RNF180: variants seen among roughly 807,000 people sequenced by gnomAD.
RNF180 encodes E3 ubiquitin-protein ligase RNF180.
RNF180 carries 38 observed loss-of-function variants against 59.2 expected under a neutral mutation model. That is an observed-to-expected ratio of 0.64 (90% CI 0.50 to 0.84). The LOEUF (loss-of-function observed/expected upper bound fraction) is 0.84. RNF180 is among the 40% of genes least tolerant of loss of function. The pLI is 0.00. For missense variants in RNF180, 705 were observed against 700.9 expected, an observed-to-expected ratio of 1.01 and a Z score of -0.07; for synonymous variants, 262 against 240.3, an observed-to-expected ratio of 1.09 and a Z score of -0.84.
At chr5:64,292,817 C>G (rs903800926) in intron 5 of RNF180, among the ~76,000 whole-genome samples, 1 of 152,126 alleles carries the variant, frequency 6.6e-6, no homozygotes, top group Non-Finnish European at 1.5e-5. Flanking sequence ...CCATATAATC[C>G]CGGCTGGAGT....
intron 5 of RNF180, among the ~76,000 whole-genome samples, 158 bp from the exon 6 acceptor site, chr5:64,325,028 G>A (rs1744564073): frequency 6.6e-6 from 1 of 152,068 alleles, no homozygotes; most frequent in Non-Finnish European, 1.5e-5. Context: ...TATATTTTTA[G>A]TTTCTTGACT....
intron 2 of RNF180, among the ~76,000 whole-genome samples, chr5:64,207,913 C>G (rs1162458927): frequency 6.6e-6 from 1 of 151,944 alleles, no homozygotes; most frequent in Admixed American, 6.6e-5. Context: ...ATAGTTGGCT[C>G]ACATTTAAAG....
At chr5:64,243,590 G>A (rs768657801) in intron 5 of RNF180, among the ~76,000 whole-genome samples, 37 of 152,308 alleles carry the variant, frequency 2.4e-4, no homozygotes, top group Middle Eastern at 3.4e-3. Context: ...CCCAGTCATG[G>A]GCTTATAGAT....
chr5:64,261,044 A>C (rs896064920), intron 5 of RNF180, among the ~76,000 whole-genome samples: 1 of 152,098 alleles, frequency 6.6e-6, no homozygotes, highest in African/African-American at 2.4e-5. Context: ...AAAAAACCTA[A>C]AGAAGATACA....
chr5:64,336,519 G>A (rs1377525502), intron 7 of RNF180, among the ~76,000 whole-genome samples: 1 of 152,184 alleles, frequency 6.6e-6, no homozygotes, highest in African/African-American at 2.4e-5. Flanking sequence ...CATAGGATAT[G>A]AGTATGCTTG....
chr5:64,274,552 G>T (rs933449295), intron 5 of RNF180, among the ~76,000 whole-genome samples: 11 of 151,852 alleles, frequency 7.2e-5, no homozygotes, highest in Non-Finnish European at 1.3e-4. Flanking sequence ...GGCCAGTTTT[G>T]TGTTTGATTT....
chr5:64,180,349 T>C lies in RNF180; in HGVS notation c.-1+14396T>C, dbSNP rs1006851127. 2.0e-5 allele frequency among the ~76,000 whole-genome samples: 3 copies of C among 152,260 alleles called. 1 individual carries two copies. In the South Asian group the frequency reaches 6.2e-4, roughly 32 times the overall value. ...AAATTTGTTTGTAGATAAGGCAGGG[T>C]ATAAATAAATAAATGAAGAAGTAAA... On this transcript the variant is annotated intron_variant, in intron 1 of 7. Coordinates refer to ENST00000389100, the MANE Select transcript of RNF180 (RefSeq NM_001113561.2).
intron 5 of RNF180, among the ~76,000 whole-genome samples, chr5:64,272,778 T>G (rs775087903): frequency 2.6e-5 from 4 of 151,982 alleles, no homozygotes; most frequent in Non-Finnish European, 4.4e-5. Context: ...ATGTCAAGGA[T>G]AATACCTAGG....
At chr5:64,242,276 G>A (rs981647928) in intron 5 of RNF180, among the ~76,000 whole-genome samples, 1 of 152,322 alleles carries the variant, frequency 6.6e-6, no homozygotes, top group East Asian at 1.9e-4. Flanking sequence ...AGTCTGTGAA[G>A]ACTGGAATAA....
chr5:64,366,920 C>T (rs1302544142), intron 7 of RNF180, among the ~76,000 whole-genome samples: 1 of 151,472 alleles, frequency 6.6e-6, no homozygotes, highest in Non-Finnish European at 1.5e-5. Context: ...AAGGTTTCCT[C>T]CATGGTACAT....
rs1410658236 is a variant in RNF180, at chr5:64,330,277, C to T, written c.1454-4C>T. ...AAATCCTATTTTCTTTTGCTTTATT[C>T]TAGAATTGAACAATGCCACAAAAAC... On this transcript the variant is annotated splice_region_variant and splice_polypyrimidine_tract_variant and intron_variant, in intron 6 of 7. Coordinates refer to ENST00000389100, the MANE Select transcript of RNF180 (RefSeq NM_001113561.2). 1 of 1,438,808 alleles carries T rather than the reference C, an allele frequency of 7.0e-7. No homozygotes were observed. The highest frequency in any genetic ancestry group is 2.5e-5 in the East Asian group (1 of 40,306). 89.1% of individuals were successfully genotyped at this position (1,438,808 alleles called of 1,614,324 possible). A position where few individuals can be genotyped will look rare whatever the true frequency, so the allele number is the denominator to read the frequency against.
intron 7 of RNF180, among the ~76,000 whole-genome samples, chr5:64,346,098 A>G (rs759377843): frequency 5.9e-5 from 9 of 152,080 alleles, no homozygotes; most frequent in African/African-American, 9.7e-5. Flanking sequence ...CAGGAGAGAT[A>G]ACCATCAGCA....
intron 5 of RNF180, among the ~76,000 whole-genome samples, chr5:64,286,817 G>A (rs1742314461): frequency 6.6e-6 from 1 of 152,130 alleles, no homozygotes; most frequent in Non-Finnish European, 1.5e-5. Context: ...GAGGAAGAGT[G>A]GTGGCAAGGA....
chr5:64,331,750 C>A (rs867285989), intron 7 of RNF180, among the ~76,000 whole-genome samples: 30 of 152,162 alleles, frequency 2.0e-4, no homozygotes, highest in Admixed American at 7.2e-4. Flanking sequence ...GAAACACACC[C>A]CCGCCCCATG....
In RNF180 at chr5:64,343,244, AATAG is replaced by A. The variant is rs1745429415; in HGVS notation, c.1579+12842_1579+12845del. ...AGTGTTAATGAAAATAGAGAAAAAG[AATAG>A]ATAAAAAGGTAAAAAACTGCCAATA... is the stretch of plus-strand genomic sequence containing the variant. On this transcript the variant is annotated intron_variant, in intron 7 of 7. Transcript: ENST00000389100. Among the ~76,000 whole-genome samples the A allele has an allele frequency of 2.0e-5, 3 of 152,108 alleles. No homozygotes were observed. The South Asian group carries it at 6.2e-4, about 31-fold the overall frequency.
chr5:64,294,697 A>T (rs989742309), intron 5 of RNF180, among the ~76,000 whole-genome samples: 2 of 152,208 alleles, frequency 1.3e-5, no homozygotes, highest in Admixed American at 6.5e-5. Context: ...TTCTTCCTGC[A>T]TTATTTTACA....
At chr5:64,369,086 T>A (rs1746559721) in intron 7 of RNF180, among the ~76,000 whole-genome samples, 1 of 151,962 alleles carries the variant, frequency 6.6e-6, no homozygotes, top group African/African-American at 2.4e-5. Flanking sequence ...ATAGATTGGA[T>A]TAAGAAAATG....
intron 5 of RNF180, among the ~76,000 whole-genome samples, chr5:64,319,011 A>G (rs1421902192): frequency 6.6e-6 from 1 of 152,148 alleles, no homozygotes; most frequent in Admixed American, 6.5e-5. Flanking sequence ...GTTGTCAATA[A>G]TGTATTAAAG....
chr5:64,216,745 A>G (rs961976534), intron 4 of RNF180, among the ~76,000 whole-genome samples: 30 of 152,220 alleles, frequency 2.0e-4, no homozygotes, highest in African/African-American at 6.8e-4. Context: ...GCAAAAGTTA[A>G]TTGAGCATCT....
Sources: allele counts gnomAD v4.1 joint callset (sites outside exome capture counted in the v4.1 genomes callset), GRCh38; gene constraint gnomAD v4.1.1; transcripts MANE v1.5; gene names NCBI Gene and HGNC (gene_info 2026-07-23, HGNC 2026-07-21).